ACVR1: variants seen among roughly 807,000 people sequenced by gnomAD.
ACVR1 encodes activin A receptor type 1.
ACVR1 carries 38 observed loss-of-function variants against 57.1 expected under a neutral mutation model. That is an observed-to-expected ratio of 0.67 (90% confidence interval 0.51 to 0.87). ACVR1 has a LOEUF of 0.87. Ranked by LOEUF, ACVR1 falls within the 40% of genes least tolerant of loss-of-function variation. The pLI is 0.00. For synonymous variants in ACVR1, 212 were observed against 228.1 expected (o/e 0.93, Z 0.63); for missense variants, 463 against 638.2 (o/e 0.73, Z 2.96).
intron 1 of ACVR1, among the ~76,000 whole-genome samples, chr2:157,861,459 T>C (rs1339500735): frequency 4.6e-5 from 7 of 152,208 alleles, no homozygotes; most frequent in Admixed American, 3.9e-4. Context: ...TATGCCATCA[T>C]TGCATACAGT....
At chr2:157,803,079 G>C (rs1178579563) in intron 2 of ACVR1, among the ~76,000 whole-genome samples, 1 of 151,402 alleles carries the variant, frequency 6.6e-6, no homozygotes, top group Non-Finnish European at 1.5e-5. Flanking sequence ...AATAGTAAAA[G>C]TCAACAGTTA....
chr2:157,861,385 C>T (rs1023076965), intron 1 of ACVR1, among the ~76,000 whole-genome samples: 2 of 152,186 alleles, frequency 1.3e-5, no homozygotes, highest in African/African-American at 2.4e-5. Context: ...TGTTATGCAA[C>T]ATCAAGTCTG....
intron 1 of ACVR1, among the ~76,000 whole-genome samples, chr2:157,861,192 A>G (rs1015389454): frequency 1.3e-5 from 2 of 152,144 alleles, no homozygotes; most frequent in Non-Finnish European, 2.9e-5. Flanking sequence ...ACTTCACTTT[A>G]CTGTACATTG....
chr2:157,866,587 A>G (rs1012810295), intron 1 of ACVR1, among the ~76,000 whole-genome samples: 5 of 152,156 alleles, frequency 3.3e-5, no homozygotes, highest in African/African-American at 9.7e-5. Context: ...TTCACATTTT[A>G]TATCATCTAT....
chr2:157,815,286 G>A (rs1483871524), intron 2 of ACVR1, among the ~76,000 whole-genome samples: 1 of 152,014 alleles, frequency 6.6e-6, no homozygotes, highest in Non-Finnish European at 1.5e-5. Context: ...CAAGAAAATG[G>A]TAATACAGTG....
Position 157,737,404 on chromosome 2 carries a change from T to A in ACVR1, c.*127A>T, listed in dbSNP as rs1198519670. On this transcript the variant is annotated 3_prime_UTR_variant, in exon 11 of 11. Coordinates refer to ENST00000434821, the MANE Select transcript of ACVR1 (RefSeq NM_001111067.4). ...CACATGGCTGGGTACGACGTCTGCC[T>A]TGTCAAAGCAGCCATTTGGGGAGGG... The A allele has an allele frequency of 3.1e-6, 4 of 1,293,536 alleles. No individual in the cohort carries two copies. Among genetic ancestry groups the A allele is most frequent in the Non-Finnish European group, 4.3e-6 (4 of 920,918 alleles). 80.1% of individuals were successfully genotyped at this position (1,293,536 alleles called of 1,614,324 possible).
intron 2 of ACVR1, among the ~76,000 whole-genome samples, chr2:157,817,917 G>A (rs1688001780): frequency 6.6e-6 from 1 of 151,662 alleles, no homozygotes; most frequent in Non-Finnish European, 1.5e-5. Flanking sequence ...CAGGAGAATT[G>A]CGTGACCCTG....
At chr2:157,857,418 G>T (rs1689573407) in intron 1 of ACVR1, among the ~76,000 whole-genome samples, 1 of 150,946 alleles carries the variant, frequency 6.6e-6, no homozygotes, top group Non-Finnish European at 1.5e-5. Flanking sequence ...AAAAGAAGAA[G>T]ATACCCTTCC....
At chr2:157,783,391 T>G (rs1686599717) in intron 3 of ACVR1, among the ~76,000 whole-genome samples, 1 of 152,238 alleles carries the variant, frequency 6.6e-6, no homozygotes, top group African/African-American at 2.4e-5. Flanking sequence ...CAGCCTCAAG[T>G]AAATATCACC....
intron 1 of ACVR1, among the ~76,000 whole-genome samples, chr2:157,868,504 G>GC (rs36001627): frequency 0.028 from 4,213 of 150,606 alleles, 86 homozygotes; most frequent in Middle Eastern, 0.086. Flanking sequence ...AAAAAAATCT[G>GC]CAACTATCTT....
At chr2:157,837,398 C>G (rs527861916) in intron 1 of ACVR1, among the ~76,000 whole-genome samples, 1 of 152,124 alleles carries the variant, frequency 6.6e-6, no homozygotes, top group Non-Finnish European at 1.5e-5. Context: ...ACTCAGAGAA[C>G]GGGTTCAGGA....
chr2:157,739,580 G>A (rs1490577250), intron 9 of ACVR1, among the ~76,000 whole-genome samples: 2 of 152,096 alleles, frequency 1.3e-5, no homozygotes, highest in African/African-American at 4.8e-5. Context: ...TCCTCCAGGC[G>A]ACTTTCTTCT....
In ACVR1 at chr2:157,813,604, A is replaced by G. The variant is rs193000822; in HGVS notation, c.-8+4781T>C. Among the ~76,000 whole-genome samples, 18 of 152,288 alleles carry G rather than the reference A, an allele frequency of 1.2e-4. No homozygotes were observed. In the East Asian group the frequency reaches 3.3e-3, roughly 28 times the overall value. On this transcript the variant is annotated intron_variant, in intron 2 of 10. Coordinates refer to ENST00000434821, the MANE Select transcript of ACVR1 (RefSeq NM_001111067.4). ...ATGGAGAGGACCCAGATACAGCAGCAACTCAGATATGACCATGCAGATAAT... is the reference window on the plus strand; with the variant it reads ...ATGGAGAGGACCCAGATACAGCAGCGACTCAGATATGACCATGCAGATAAT...
intron 1 of ACVR1, among the ~76,000 whole-genome samples, chr2:157,872,545 G>A (rs1443471883): frequency 6.6e-6 from 1 of 152,178 alleles, no homozygotes; most frequent in East Asian, 1.9e-4. Context: ...GGAAAGGAGA[G>A]TAGAAGCAGG....
chr2:157,824,124 G>C (rs1688253098), intron 1 of ACVR1, among the ~76,000 whole-genome samples: 1 of 152,156 alleles, frequency 6.6e-6, no homozygotes, highest in Non-Finnish European at 1.5e-5. Flanking sequence ...GAATTATTAG[G>C]TTGAATCCTA....
intron 2 of ACVR1, among the ~76,000 whole-genome samples, chr2:157,807,832 A>T (rs1489251888): frequency 9.2e-6 from 1 of 108,178 alleles, no homozygotes; most frequent in African/African-American, 3.7e-5. Context: ...TCTCAGGCTA[A>T]TGTGATTAAT....
At chr2:157,805,970 C>T (rs1453306728) in intron 2 of ACVR1, among the ~76,000 whole-genome samples, 1 of 151,722 alleles carries the variant, frequency 6.6e-6, no homozygotes, top group Non-Finnish European at 1.5e-5. Flanking sequence ...ACTACAGGCA[C>T]ATGCCACCAT....
intron 3 of ACVR1, among the ~76,000 whole-genome samples, chr2:157,794,313 T>C (rs529993643): frequency 6.6e-6 from 1 of 152,306 alleles, no homozygotes; most frequent in South Asian, 2.1e-4. Context: ...AAACTCTTCC[T>C]GCAGCTAGAG....
intron 7 of ACVR1, among the ~76,000 whole-genome samples, chr2:157,767,188 C>T (rs867424962): frequency 3.3e-5 from 5 of 152,030 alleles, no homozygotes; most frequent in African/African-American, 9.7e-5. Flanking sequence ...CCCACCATCA[C>T]GCCGGGCTAA....
Sources: gnomAD v4.1 joint callset for allele counts (sites outside exome capture counted in the v4.1 genomes callset) on GRCh38, gnomAD v4.1.1 for gene constraint, MANE v1.5 for transcripts, NCBI Gene and HGNC (gene_info 2026-07-23, HGNC 2026-07-21) for gene names.